MUC12: variants seen among roughly 807,000 people sequenced by gnomAD.
The protein encoded by MUC12 is mucin 12, cell surface associated.
In MUC12, 172 loss-of-function variants were observed where a neutral mutation model predicts 230.8. That is an observed-to-expected ratio of 0.75 (90% CI 0.66 to 0.85). The LOEUF (loss-of-function observed/expected upper bound fraction) is 0.85. Among genes scored for constraint, MUC12 ranks in the 40% least tolerant of loss-of-function variants. MUC12 has a pLI of 0.00. For synonymous variants in MUC12, 1,259 were observed against 2,401.9 expected (o/e 0.52, Z 13.91); for missense variants, 3,506 against 5,920.6 (o/e 0.59, Z 13.38).
rs1162947352 is a variant in MUC12 at position 100,995,681 on chromosome 7, A to T, written c.5118A>T (p.Thr1706=). 2 of 1,536,998 alleles carry T rather than the reference A, an allele frequency of 1.3e-6. No homozygotes were observed. Among genetic ancestry groups the T allele is most frequent in the African/African-American group, 2.8e-5 (2 of 72,380 alleles). Residue 1706 remains threonine (T), a synonymous_variant, in exon 2 of 12, where the codon ACA becomes ACT. Transcript: ENST00000536621. The stretch of plus-strand genomic sequence containing the variant: ...CTATGCCTGCACCTCCTACTACCAC[A>T]TCAGCCTTTGTTGAGCTATCTACAA... ...KDTMPAPPTT[T]SAFVELSTTS... is the part of the protein sequence containing the mutation.
At chr7:100,977,570 C>T (rs1177820386) in intron 1 of MUC12, among the ~76,000 whole-genome samples, 6 of 151,992 alleles carry the variant, frequency 3.9e-5, no homozygotes, top group East Asian at 1.9e-4. Flanking sequence ...TTCACCATGT[C>T]GGTCAGGCTG....
At chr7:101,018,249 GGGACTCCCTCCTCCCCCA>G (rs1412294168) in intron 11 of MUC12, among the ~76,000 whole-genome samples, 2 of 80,182 alleles carry the variant, frequency 2.5e-5, no homozygotes, top group African/African-American at 9.9e-5. Flanking sequence ...CCCTTCCCCC[GGGACTCCCTCCTCCCCCA>G]GGACTCCCTC....
intron 1 of MUC12, among the ~76,000 whole-genome samples, chr7:100,976,887 C>T (rs1793040363): frequency 6.6e-6 from 1 of 151,658 alleles, no homozygotes; most frequent in Non-Finnish European, 1.5e-5. Flanking sequence ...CCCATCTCTA[C>T]TAAAAGTACA....
chr7:100,991,083 C>A lies in MUC12; in HGVS notation c.520C>A (p.Pro174Thr). Reference protein sequence around the residue: ...KSTTSHSRPGPTHTIAFPDST... With the variant: ...KSTTSHSRPGTTHTIAFPDST... ...AACCACCTCCCACAGCCGACCAGGCCCAACGCACACAATAGCGTTCCCTGA... is the reference window on the plus strand; with the variant it reads ...AACCACCTCCCACAGCCGACCAGGCACAACGCACACAATAGCGTTCCCTGA... Residue 174 changes from proline (P) to threonine (T), a missense_variant, in exon 2 of 12, where the codon CCA becomes ACA. By Grantham distance (38) the Pro-to-Thr change is conservative (BLOSUM62 -1). Coordinates refer to ENST00000536621, the MANE Select transcript of MUC12 (RefSeq NM_001164462.2). The A allele has an allele frequency of 6.5e-7, 1 of 1,537,460 alleles. No homozygotes were observed. Among genetic ancestry groups the A allele is most frequent in the Non-Finnish European group, 8.7e-7 (1 of 1,146,756 alleles).
chr7:100,989,301 T>G (rs2116294381), intron 1 of MUC12, among the ~76,000 whole-genome samples: 1 of 151,710 alleles, frequency 6.6e-6, no homozygotes, highest in South Asian at 2.1e-4. Context: ...TAGAGATGAG[T>G]TTCACAATGA....
intron 1 of MUC12, among the ~76,000 whole-genome samples, chr7:100,988,480 T>A (rs1269660493): frequency 2.0e-5 from 3 of 152,058 alleles, no homozygotes; most frequent in Admixed American, 1.3e-4. Flanking sequence ...CCTGCAGAAC[T>A]GTGAGCCAAT....
chr7:101,017,805 TTTCCC>T (rs1793960809), intron 11 of MUC12, 142 bp downstream of exon 11: 2 of 403,972 alleles, frequency 5.0e-6, no homozygotes, highest in African/African-American at 3.7e-5. Flanking sequence ...ACCCCTTCCC[TTTCCC>T]TTCCCCCTGG....
chr7:100,989,560 G>C (rs112354899), intron 1 of MUC12, among the ~76,000 whole-genome samples: 2 of 152,250 alleles, frequency 1.3e-5, no homozygotes, highest in African/African-American at 4.8e-5. Flanking sequence ...TGATGCCTGA[G>C]CACCTTGATA....
At position 100,991,600 on chromosome 7, in the gene MUC12, C is replaced by T. The variant is rs376044971; in HGVS notation, c.1037C>T (p.Pro346Leu). The T allele has an allele frequency of 6.5e-7, 1 of 1,537,024 alleles. No individual in the cohort carries two copies. The highest frequency in any genetic ancestry group is 8.7e-7 in the Non-Finnish European group (1 of 1,146,394). The change falls in exon 2 of 12, where the codon CCT becomes CTT. Residue 346 changes from proline to leucine, a missense_variant. Coordinates refer to ENST00000536621, the MANE Select transcript of MUC12 (RefSeq NM_001164462.2). Reference sequence around the variant, plus strand: ...GTTGCAACTGCAACAACACCCCCACCTGCCCGCTCCGCGACCTCAGGCCAT... The same window carrying T: ...GTTGCAACTGCAACAACACCCCCACTTGCCCGCTCCGCGACCTCAGGCCAT... ...SPVATATTPP[P>L]ARSATSGHVE...
chr7:100,991,896 G>C lies in MUC12; in HGVS notation c.1333G>C (p.Asp445His). ...ATCAAAAGCATCCCACAGCAGCCCA[G>C]ATGCAATGGCAACAACAGTCTTACC... ...EESKASHSSPDAMATTVLPAG... is the reference protein window; with the variant it reads ...EESKASHSSPHAMATTVLPAG... Residue 445 changes from aspartate to histidine, a missense_variant, in exon 2 of 12, where the codon GAT (aspartate) becomes CAT (histidine). Asp to His is a moderately conservative substitution (Grantham distance 81). Transcript: ENST00000536621. 3.3e-6 allele frequency: 5 copies of C among 1,537,958 alleles called. No individual in the cohort carries two copies. Among genetic ancestry groups the C allele is most frequent in the Non-Finnish European group, 4.4e-6 (5 of 1,147,066 alleles).
In MUC12 at chr7:101,005,401, ACT is replaced by A; in HGVS notation, c.14841_14842del (p.Phe4948SerfsTer11). 1.3e-6 allele frequency: 2 copies of A among 1,537,020 alleles called. No homozygotes were observed. Among genetic ancestry groups the A allele is most frequent in the Non-Finnish European group, 1.7e-6 (2 of 1,146,890 alleles). On this transcript the variant is annotated frameshift_variant, in exon 2 of 12. Transcript: ENST00000536621. LOFTEE classifies it high-confidence loss of function. ...TCAGCCCATCCCCTACTTACACAAC[ACT>A]CTTTCCTGCGAGTTCCAGCACATCA... is the stretch of plus-strand genomic sequence containing the variant. Reference protein sequence around the residue: ...YISPSPTYTTLFPASSSTSGL... With the variant: ...YISPSPTYTTXFPASSSTSGL...
At chr7:100,972,566 G>A (rs1029724869) in intron 1 of MUC12, among the ~76,000 whole-genome samples, 20 of 136,412 alleles carry the variant, frequency 1.5e-4, no homozygotes, top group Admixed American at 3.6e-4. Context: ...GCAGTGACAT[G>A]ATCTCCACTC....
intron 1 of MUC12, among the ~76,000 whole-genome samples, chr7:100,971,157 A>C (rs1792877167): frequency 4.6e-5 from 1 of 21,704 alleles, no homozygotes; most frequent in Non-Finnish European, 1.0e-4. Context: ...TCTCTCAAAA[A>C]AAAACAAACA....
chr7:100,970,203 G>A (rs1432179122), intron 1 of MUC12, among the ~76,000 whole-genome samples: 1 of 152,300 alleles, frequency 6.6e-6, no homozygotes, highest in Non-Finnish European at 1.5e-5. Flanking sequence ...AATGGCTGAC[G>A]GGGCCAGGCG....
Position 101,009,166 on chromosome 7 carries a change from A to G in MUC12, c.15251+7A>G, listed in dbSNP as rs1184984366. 2.0e-6 allele frequency: 3 copies of G among 1,537,396 alleles called. No homozygotes were observed. Among genetic ancestry groups the G allele is most frequent in the Non-Finnish European group, 2.6e-6 (3 of 1,146,686 alleles). On this transcript the variant is annotated splice_region_variant and intron_variant, in intron 5 of 11. Coordinates refer to ENST00000536621, the MANE Select transcript of MUC12 (RefSeq NM_001164462.2). ...TGAACATTCGGAGATTGCTGTGAGT[A>G]TATTGGGGGGCAGGTTTATAGATGT... is the stretch of plus-strand genomic sequence containing the variant.
intron 1 of MUC12, among the ~76,000 whole-genome samples, chr7:100,979,912 G>A (rs1055742348): frequency 6.6e-6 from 1 of 151,730 alleles, no homozygotes; most frequent in African/African-American, 2.4e-5. Context: ...CAGGTCTGTA[G>A]CCCCAGTACT....
intron 1 of MUC12, among the ~76,000 whole-genome samples, chr7:100,983,034 C>G (rs1486973663): frequency 1.3e-5 from 2 of 151,970 alleles, no homozygotes; most frequent in Non-Finnish European, 2.9e-5. Context: ...CACACCTGGT[C>G]AAAAGCCATC....
chr7:101,005,674 C>T (rs188336850), intron 2 of MUC12, among the ~76,000 whole-genome samples, 155 bp downstream of exon 2: 1 of 152,338 alleles, frequency 6.6e-6, no homozygotes, highest in Admixed American at 6.5e-5. Context: ...ATACCACTTC[C>T]AGTGTTCATG....
Position 100,994,087 on chromosome 7 carries a change from A to C in MUC12, c.3524A>C (p.His1175Pro), listed in dbSNP as rs199901006. 17 of 1,025,926 alleles carry C rather than the reference A, an allele frequency of 1.7e-5. 6 individuals are homozygous for C. In the South Asian group the frequency reaches 2.7e-4, roughly 16 times the overall value. The allele number at this position is 1,025,926 out of a possible 1,614,324, so 63.6% of individuals were successfully genotyped here. A position where few individuals can be genotyped will look rare whatever the true frequency, so the allele number is the denominator to read the frequency against. ...RGSTETTVFPHSTTTSVHGEE... is the reference protein window; with the variant it reads ...RGSTETTVFPPSTTTSVHGEE... ...TCAACTGAAACCACAGTGTTCCCTC[A>C]CAGCACCACAACCTCAGTTCATGGT... Residue 1175 changes from histidine (H) to proline (P), a missense_variant, in exon 2 of 12, where the codon CAC (histidine) becomes CCC (proline). By Grantham distance (77) the His-to-Pro change is moderately conservative. Coordinates refer to ENST00000536621, the MANE Select transcript of MUC12 (RefSeq NM_001164462.2).
Sources: gnomAD v4.1 joint callset for allele counts (sites outside exome capture counted in the v4.1 genomes callset) on GRCh38, gnomAD v4.1.1 for gene constraint, MANE v1.5 for transcripts, NCBI Gene and HGNC (gene_info 2026-07-23, HGNC 2026-07-21) for gene names.